Variants in PSMA1 observed in about 807,000 individuals in gnomAD.
PSMA1 encodes the protein proteasome 20S subunit alpha 1, also known as proteasome subunit alpha type-1.
A neutral mutation model predicts 38.4 loss-of-function variants in PSMA1; 3 were observed. That is an observed-to-expected ratio of 0.08 (90% CI 0.04 to 0.20). The LOEUF is 0.20. PSMA1 is among the 10% of genes least tolerant of loss of function. The pLI is 1.00. For missense variants in PSMA1, 227 were observed against 325.3 expected (o/e 0.70, Z 2.32); for synonymous variants, 101 against 107.1 (o/e 0.94, Z 0.35).
Position 14,602,729 on chromosome 11 carries a change from T to C in PSMA1, c.21+8237A>G, listed in dbSNP as rs189645044. On this transcript the variant is annotated intron_variant, in intron 2 of 10. Coordinates refer to the PSMA1 transcript ENST00000418988. ...TACTGGTCTAAAGTGCAGGTAAATA[T>C]ATAGAGAAAGGCAGAACCCAGCCTG... Among the ~76,000 whole-genome samples, 3 of 152,228 alleles carry C rather than the reference T, an allele frequency of 2.0e-5. No homozygotes were observed. In the East Asian group the frequency reaches 5.8e-4, roughly 29 times the overall value.
intron 8 of PSMA1, among the ~76,000 whole-genome samples, chr11:14,508,226 A>C (rs1475711846): frequency 6.6e-6 from 1 of 152,130 alleles, no homozygotes; most frequent in Non-Finnish European, 1.5e-5. Context: ...AACATTCTCC[A>C]AGCTCTTTGA....
intron 1 of PSMA1, among the ~76,000 whole-genome samples, chr11:14,639,222 C>T (rs147910643): frequency 0.013 from 1,947 of 151,540 alleles, 36 homozygotes; most frequent in African/African-American, 0.044. Flanking sequence ...AAGTGAAATA[C>T]GACATAAACA....
chr11:14,585,641 C>T (rs1424472262), intron 2 of PSMA1, among the ~76,000 whole-genome samples: 1 of 152,196 alleles, frequency 6.6e-6, no homozygotes, highest in African/African-American at 2.4e-5. Flanking sequence ...AAAGTCTAGC[C>T]TGGAGGCCTC....
chr11:14,510,902 C>T lies in PSMA1; in HGVS notation c.594G>A (p.Thr198=), dbSNP rs569675109. The part of the protein sequence containing the change: ...VKHGLRALRE[T]LPAEQDLTTK... ...TAGTCAGGTCCTGTTCTGCAGGAAG[C>T]GTCTCTCTTAAGGCACGCAGACCAT... is the stretch of plus-strand genomic sequence containing the variant. The change falls in exon 8 of 10, where the codon ACG becomes ACA. Residue 198 remains threonine, a synonymous_variant. Transcript: ENST00000396394. 1.3e-5 allele frequency: 21 copies of T among 1,607,762 alleles called. No individual in the cohort carries two copies. The South Asian group carries it at 1.4e-4, about 11-fold the overall frequency.
intron 1 of PSMA1, among the ~76,000 whole-genome samples, chr11:14,642,713 T>C (rs1443559345): frequency 1.3e-5 from 2 of 152,204 alleles, no homozygotes; most frequent in East Asian, 1.9e-4. Context: ...GTTCACTCTC[T>C]AAGGCAGTTA....
At chr11:14,616,675 T>C (rs954154465) in intron 1 of PSMA1, among the ~76,000 whole-genome samples, 49 of 152,238 alleles carry the variant, frequency 3.2e-4, no homozygotes, top group African/African-American at 1.1e-3. Context: ...TAACAGGCAC[T>C]GTTCTATGTG....
chr11:14,630,207 T>C (rs896610937), intron 1 of PSMA1, among the ~76,000 whole-genome samples: 3 of 152,134 alleles, frequency 2.0e-5, no homozygotes, highest in South Asian at 2.1e-4. Context: ...CTATGTTGAA[T>C]AGGAGTGGTG....
At chr11:14,532,604 C>CAA (rs1426581772) in intron 2 of PSMA1, among the ~76,000 whole-genome samples, 5 of 87,168 alleles carry the variant, frequency 5.7e-5, no homozygotes, top group Admixed American at 2.5e-4. Flanking sequence ...GACTCCGTCT[C>CAA]AAAAAAAAAA....
intron 1 of PSMA1, among the ~76,000 whole-genome samples, chr11:14,632,705 C>T (rs1475035844): frequency 6.7e-4 from 97 of 144,436 alleles, no homozygotes; most frequent in East Asian, 2.7e-3. Context: ...TGAATCTGAA[C>T]GTTGGCCTGC....
At position 14,509,319 on chromosome 11, in the gene PSMA1, T is replaced by TG. The variant is rs1851300805; in HGVS notation, c.624+1552_624+1553insC. Among the ~76,000 whole-genome samples, 12 of 152,098 alleles carry TG rather than the reference T, an allele frequency of 7.9e-5. No individual in the cohort carries two copies. The South Asian group carries it at 1.0e-3, about 13-fold the overall frequency. On this transcript the variant is annotated intron_variant, in intron 8 of 9. Coordinates refer to ENST00000396394, the MANE Select transcript of PSMA1 (RefSeq NM_002786.4). ...TTCCCCCCTCACACCCTATAACAAATCTATTAGCAAACTTTTTTGGCTGTA... is the reference window on the plus strand; with the variant it reads ...TTCCCCCCTCACACCCTATAACAAATGCTATTAGCAAACTTTTTTGGCTGTA...
chr11:14,532,575 A>C lies in PSMA1; in HGVS notation c.22-13534T>G, dbSNP rs531688273. Reference sequence around the variant, plus strand: ...AGCCGAGATTGTGCCACTGCACTCCAGCCTGGGTGACAGAGCGAGACTCCG... The same window carrying C: ...AGCCGAGATTGTGCCACTGCACTCCCGCCTGGGTGACAGAGCGAGACTCCG... On this transcript the variant is annotated intron_variant, in intron 2 of 10. Coordinates refer to the PSMA1 transcript ENST00000418988. Among the ~76,000 whole-genome samples the C allele has an allele frequency of 2.4e-4, 37 of 151,766 alleles. No homozygotes were observed. In the South Asian group the frequency reaches 7.7e-3, roughly 32 times the overall value.
chr11:14,534,105 C>T lies in PSMA1; in HGVS notation c.22-15064G>A, dbSNP rs1851678042. Among the ~76,000 whole-genome samples, 1 of 152,090 alleles carries T rather than the reference C, an allele frequency of 6.6e-6. No individual in the cohort carries two copies. The highest frequency in any genetic ancestry group is 1.5e-5 in the Non-Finnish European group (1 of 68,010). ...CTGAGGCAGGAGAATCACTTGAACC[C>T]AGGAGGTGGAGGTTGCAGTGAGCCG... On this transcript the variant is annotated intron_variant, in intron 2 of 10. Transcript: ENST00000418988. This position sits in a 1 kb window ranked among gnomAD's most constrained non-coding sequence, Gnocchi z 4.5.
chr11:14,507,153 C>T (rs964250363), intron 9 of PSMA1, among the ~76,000 whole-genome samples: 34 of 151,860 alleles, frequency 2.2e-4, no homozygotes, highest in African/African-American at 6.8e-4. Context: ...AAATAATCAA[C>T]ACTTCTCCCT....
intron 2 of PSMA1, among the ~76,000 whole-genome samples, chr11:14,563,947 T>C (rs1216792902): frequency 2.6e-5 from 4 of 152,226 alleles, no homozygotes; most frequent in African/African-American, 4.8e-5. Flanking sequence ...CAACCATAAT[T>C]AAATAAAGTC....
chr11:14,514,198 T>C, intron 5 of PSMA1: 2 of 1,346,720 alleles, frequency 1.5e-6, no homozygotes, highest in Non-Finnish European at 1.9e-6. Flanking sequence ...AAAAAGATGC[T>C]TAGATGATTT....
At chr11:14,618,375 C>A (rs1255304905) in intron 1 of PSMA1, among the ~76,000 whole-genome samples, 1 of 152,158 alleles carries the variant, frequency 6.6e-6, no homozygotes, top group Non-Finnish European at 1.5e-5. Context: ...ATGTTTATTG[C>A]CTCTTCTAGA....
At chr11:14,541,423 C>A (rs1056454881) in intron 2 of PSMA1, among the ~76,000 whole-genome samples, 1 of 152,190 alleles carries the variant, frequency 6.6e-6, no homozygotes, top group Non-Finnish European at 1.5e-5. Flanking sequence ...TTTGTGCAGG[C>A]GCACACAGAA....
intron 1 of PSMA1, among the ~76,000 whole-genome samples, chr11:14,631,726 A>T (rs556354021): frequency 6.6e-6 from 1 of 152,104 alleles, no homozygotes; most frequent in Non-Finnish European, 1.5e-5. Context: ...ATCCTTGTTG[A>T]CTTTCTGTCT....
chr11:14,593,613 T>TGAGAGAGAGAGAGAGA (rs59225796), intron 2 of PSMA1, among the ~76,000 whole-genome samples: 15 of 98,912 alleles, frequency 1.5e-4, no homozygotes, highest in Non-Finnish European at 2.2e-4. Flanking sequence ...GGAGGAAAAA[T>TGAGAGAGAGAGAGAGA]GAGAGAGAGA....
Sources: gnomAD v4.1 joint callset for allele counts (sites outside exome capture counted in the v4.1 genomes callset) on GRCh38, gnomAD v4.1.1 for gene constraint, Gnocchi (gnomAD v3.1) non-coding constraint, MANE v1.5 for transcripts, NCBI Gene and HGNC (gene_info 2026-07-23, HGNC 2026-07-21) for gene names.